CTDSPL2: variants seen among roughly 807,000 people sequenced by gnomAD.
The protein encoded by CTDSPL2 is CTD small phosphatase-like protein 2.
A neutral mutation model predicts 60.0 loss-of-function variants in CTDSPL2; 5 were observed. That is an observed-to-expected ratio of 0.08 (90% CI 0.04 to 0.18). The LOEUF (loss-of-function observed/expected upper bound fraction) is 0.18, where lower values mean the gene tolerates loss of function less well. CTDSPL2 is among the 10% of genes least tolerant of loss of function. The pLI is 1.00. For missense variants in CTDSPL2, 370 were observed against 548.8 expected (o/e 0.67, Z 3.26); for synonymous variants, 186 against 189.3 (o/e 0.98, Z 0.14).
chr15:44,473,409 C>T (rs942749103), intron 2 of CTDSPL2, among the ~76,000 whole-genome samples: 7 of 152,106 alleles, frequency 4.6e-5, no homozygotes, highest in Non-Finnish European at 1.0e-4. Context: ...CATTCTCCTG[C>T]CTCAGCCTCC....
At chr15:44,466,002 T>TTGGC (rs1333543774) in intron 2 of CTDSPL2, among the ~76,000 whole-genome samples, 2 of 151,954 alleles carry the variant, frequency 1.3e-5, no homozygotes, top group Non-Finnish European at 2.9e-5. Context: ...TGGGACCATG[T>TTGGC]TGGCTCACTG....
chr15:44,499,156 T>A (rs1416467084), intron 7 of CTDSPL2, among the ~76,000 whole-genome samples: 1 of 152,046 alleles, frequency 6.6e-6, no homozygotes, highest in Non-Finnish European at 1.5e-5. Flanking sequence ...ACTTCTGTAA[T>A]CCCAGCACTT....
chr15:44,432,660 C>T lies in CTDSPL2; in HGVS notation c.-25+4888C>T, dbSNP rs190545538. ...TTTGAAACAGAGTCTCGCTCTGTCT[C>T]CCAGGCTGCAGTGCAGTGGCGCCAT... On this transcript the variant is annotated intron_variant, in intron 1 of 12. Transcript: ENST00000260327. 3.1e-3 allele frequency among the ~76,000 whole-genome samples: 473 copies of T among 151,982 alleles called. 1 individual carries two copies. The highest frequency in any genetic ancestry group is 8.7e-3 in the African/African-American group (359 of 41,464).
chr15:44,528,919 A>C lies in CTDSPL2; in HGVS notation c.*4745A>C, dbSNP rs182689492. ...TAAAATCTCAATTTAATTTCTTCTTATTTACTATGCAGTATAGCCGTGAAC... is the reference window on the plus strand; with the variant it reads ...TAAAATCTCAATTTAATTTCTTCTTCTTTACTATGCAGTATAGCCGTGAAC... On this transcript the variant is annotated 3_prime_UTR_variant, in exon 13 of 13. Transcript: ENST00000260327. 1.3e-5 allele frequency: 2 copies of C among 152,190 alleles called. No individual in the cohort carries two copies. The highest frequency in any genetic ancestry group is 2.9e-5 in the Non-Finnish European group (2 of 67,992). The allele number at this position is 152,190 out of a possible 1,614,324, so 9.4% of individuals were successfully genotyped here.
intron 10 of CTDSPL2, chr15:44,516,538 A>G (rs1460156127): frequency 2.0e-5 from 3 of 152,202 alleles, no homozygotes; most frequent in Non-Finnish European, 4.4e-5. Flanking sequence ...ATTGTAATTT[A>G]TGCTAATTTT....
At chr15:44,496,305 A>C (rs978712265) in intron 5 of CTDSPL2, 75 bp from the exon 6 acceptor site, 10 of 1,016,926 alleles carry the variant, frequency 9.8e-6, no homozygotes, top group Admixed American at 6.1e-5. Flanking sequence ...AAGATCTTAG[A>C]TAGAAGCAGT....
At chr15:44,490,375 C>T (rs1483187594) in intron 4 of CTDSPL2, among the ~76,000 whole-genome samples, 1 of 152,188 alleles carries the variant, frequency 6.6e-6, no homozygotes, top group East Asian at 1.9e-4. Context: ...AAGCAATCTG[C>T]TTGCCTCAGC....
At chr15:44,507,600 T>C (rs2081492144) in intron 8 of CTDSPL2, among the ~76,000 whole-genome samples, 1 of 152,218 alleles carries the variant, frequency 6.6e-6, no homozygotes, top group Non-Finnish European at 1.5e-5. Context: ...TGAATAACCC[T>C]CTTTCTTTGG....
In CTDSPL2 at chr15:44,471,904, A is replaced by G. The variant is rs55969669; in HGVS notation, c.187-12320A>G. Reference sequence around the variant, plus strand: ...GCTTCTTTCACTTAGCATGTTTTCAAAGTGCATCCATGGTGCATTTGTTCT... The same window carrying G: ...GCTTCTTTCACTTAGCATGTTTTCAGAGTGCATCCATGGTGCATTTGTTCT... On this transcript the variant is annotated intron_variant, in intron 2 of 12. Transcript: ENST00000260327. Among the ~76,000 whole-genome samples the G allele has an allele frequency of 4.5e-3, 681 of 152,042 alleles. 4 individuals are homozygous for G. The highest frequency in any genetic ancestry group is 0.016 in the African/African-American group (656 of 41,476).
At position 44,514,675 on chromosome 15, in the gene CTDSPL2, G is replaced by A; in HGVS notation, c.1032+15G>A. ...AGATGTATGAGGTAAACATGCTTAA[G>A]CTAATTACATATGTATTTTTATTTT... On this transcript the variant is annotated intron_variant, in intron 9 of 12. Coordinates refer to ENST00000260327, the MANE Select transcript of CTDSPL2 (RefSeq NM_016396.3). The A allele has an allele frequency of 6.3e-7, 1 of 1,584,044 alleles. No homozygotes were observed. Among genetic ancestry groups the A allele is most frequent in the South Asian group, 1.1e-5 (1 of 90,184 alleles).
intron 5 of CTDSPL2, 150 bp downstream of exon 5, chr15:44,491,149 C>T: frequency 9.4e-6 from 6 of 638,828 alleles, no homozygotes. Context: ...AAAGCTTTGT[C>T]CCAAAAATCC....
At chr15:44,513,687 A>G (rs1048707491) in intron 8 of CTDSPL2, among the ~76,000 whole-genome samples, 2 of 152,150 alleles carry the variant, frequency 1.3e-5, no homozygotes, top group Non-Finnish European at 2.9e-5. Context: ...TAGTTCAATA[A>G]ATACTTGTTA....
chr15:44,458,969 A>G lies in CTDSPL2; in HGVS notation c.-24-22A>G, dbSNP rs752238252. On this transcript the variant is annotated intron_variant, in intron 1 of 12. Transcript: ENST00000260327. ...TTAATAACTTTTAATTTTTTATTAC[A>G]TTTATTATTTTTCTCTTTTAGTTTT... 4 of 1,390,730 alleles carry G rather than the reference A, an allele frequency of 2.9e-6. No individual in the cohort carries two copies. The African/African-American group carries it at 4.5e-5, about 15-fold the overall frequency. 86.1% of individuals were successfully genotyped at this position (1,390,730 alleles called of 1,614,324 possible). A position where few individuals can be genotyped will look rare whatever the true frequency, so the allele number is the denominator to read the frequency against.
intron 1 of CTDSPL2, among the ~76,000 whole-genome samples, chr15:44,450,497 AAC>A (rs1437364298): frequency 6.6e-6 from 1 of 152,088 alleles, no homozygotes; most frequent in Non-Finnish European, 1.5e-5. Context: ...GTAATTATGA[AAC>A]AGTTTATTTT....
chr15:44,505,537 C>T (rs1171969485), intron 8 of CTDSPL2, among the ~76,000 whole-genome samples: 4 of 151,966 alleles, frequency 2.6e-5, no homozygotes, highest in African/African-American at 9.7e-5. Flanking sequence ...GAGTTCGAGA[C>T]CAGCCTAAAC....
intron 11 of CTDSPL2, chr15:44,520,889 G>A (rs2081755682): frequency 6.6e-6 from 1 of 152,182 alleles, no homozygotes; most frequent in African/African-American, 2.4e-5. Context: ...TGGGAGATAT[G>A]GTCACTGTAT....
At position 44,462,503 on chromosome 15, in the gene CTDSPL2, A is replaced by G. The variant is rs568103361; in HGVS notation, c.186+3303A>G. Among the ~76,000 whole-genome samples the G allele has an allele frequency of 4.1e-4, 47 of 114,352 alleles. No homozygotes were observed. In the South Asian group the frequency reaches 0.011, roughly 26 times the overall value. 75.0% of individuals were successfully genotyped at this position (114,352 alleles called of 152,430 possible). A position where few individuals can be genotyped will look rare whatever the true frequency, so the allele number is the denominator to read the frequency against. ...AGGAGCACACAGTGTAGATCCCTTTATATGCACAATTCACACTAGAGTTCG... is the reference window on the plus strand; with the variant it reads ...AGGAGCACACAGTGTAGATCCCTTTGTATGCACAATTCACACTAGAGTTCG... On this transcript the variant is annotated intron_variant, in intron 2 of 12. Coordinates refer to ENST00000260327, the MANE Select transcript of CTDSPL2 (RefSeq NM_016396.3).
rs1305302462 is a variant in CTDSPL2, at chr15:44,525,831, TTGAG to T, written c.*1660_*1663del. 1.1e-5 allele frequency: 2 copies of T among 178,942 alleles called. No homozygotes were observed. Among genetic ancestry groups the T allele is most frequent in the African/African-American group, 4.7e-5 (2 of 42,610 alleles). 11.1% of individuals were successfully genotyped at this position (178,942 alleles called of 1,614,324 possible). ...ATGAAGATTTTAACTTTTCATCAGG[TTGAG>T]TGTTTTCTTACTATATTATCTGTTG... On this transcript the variant is annotated 3_prime_UTR_variant, in exon 13 of 13. Coordinates refer to ENST00000260327, the MANE Select transcript of CTDSPL2 (RefSeq NM_016396.3).
intron 2 of CTDSPL2, among the ~76,000 whole-genome samples, chr15:44,476,150 G>C (rs1224391725): frequency 6.6e-6 from 1 of 151,978 alleles, no homozygotes; most frequent in Non-Finnish European, 1.5e-5. Flanking sequence ...CTCACTGCCA[G>C]CTCCACCTCC....
Sources: allele counts gnomAD v4.1 joint callset (sites outside exome capture counted in the v4.1 genomes callset), GRCh38; gene constraint gnomAD v4.1.1; transcripts MANE v1.5; gene names NCBI Gene and HGNC (gene_info 2026-07-23, HGNC 2026-07-21).